NUBPL: variants seen among roughly 807,000 people sequenced by gnomAD.
The protein encoded by NUBPL is NUBP iron-sulfur cluster assembly factor, mitochondrial.
NUBPL carries 31 observed loss-of-function variants against 45.7 expected under a neutral mutation model. The ratio of observed to expected loss-of-function variants is 0.68; its 90% CI spans 0.51 to 0.92. The LOEUF is 0.92. Among genes scored for constraint, NUBPL ranks in the 40% least tolerant of loss-of-function variants. The pLI, the probability that NUBPL is intolerant of heterozygous loss-of-function variation, is 0.00. For synonymous variants in NUBPL, 144 were observed against 140.9 expected (o/e 1.02, Z -0.15); for missense variants, 401 against 398.7 (o/e 1.01, Z -0.05).
At chr14:31,792,341 T>C (rs1336096247) in intron 7 of NUBPL, among the ~76,000 whole-genome samples, 2 of 152,218 alleles carry the variant, frequency 1.3e-5, no homozygotes, top group Non-Finnish European at 2.9e-5. Flanking sequence ...GTAATTTTTT[T>C]GAGTCCTGAA....
chr14:31,658,004 C>T (rs1175964945), intron 4 of NUBPL, among the ~76,000 whole-genome samples: 1 of 152,018 alleles, frequency 6.6e-6, no homozygotes, highest in African/African-American at 2.4e-5. Context: ...CAGAAATCTA[C>T]CTAAAAGATA....
At chr14:31,614,099 A>G (rs2034835106) in intron 4 of NUBPL, among the ~76,000 whole-genome samples, 1 of 152,156 alleles carries the variant, frequency 6.6e-6, no homozygotes, top group Admixed American at 6.5e-5. Context: ...GGGGATATGT[A>G]ATGCTGGTCA....
intron 4 of NUBPL, among the ~76,000 whole-genome samples, chr14:31,663,560 G>A (rs2036326787): frequency 6.6e-6 from 1 of 152,086 alleles, no homozygotes; most frequent in Non-Finnish European, 1.5e-5. Flanking sequence ...GATGTGTGGT[G>A]TTATTTCTCA....
chr14:31,741,802 T>G (rs1440645663), intron 6 of NUBPL, among the ~76,000 whole-genome samples: 1 of 147,650 alleles, frequency 6.8e-6, no homozygotes, highest in African/African-American at 2.7e-5. Context: ...CCTGTCTACC[T>G]GTCTAATTTT....
At chr14:31,845,732 A>C (rs1451040622) in intron 8 of NUBPL, 1 of 152,448 alleles carries the variant, frequency 6.6e-6, no homozygotes. Flanking sequence ...AAGATAGTAC[A>C]TTTAAAGTAC....
At chr14:31,613,256 C>G (rs978559222) in intron 4 of NUBPL, among the ~76,000 whole-genome samples, 1 of 152,066 alleles carries the variant, frequency 6.6e-6, no homozygotes, top group African/African-American at 2.4e-5. Context: ...CAATTGAACT[C>G]ATGGACAGAG....
chr14:31,846,657 G>T, intron 9 of NUBPL, 66 bp downstream of exon 9: 1 of 1,596,944 alleles, frequency 6.3e-7, no homozygotes, highest in Non-Finnish European at 8.5e-7. Context: ...GAGGCTTGAT[G>T]ATTAAGAGTG....
At chr14:31,687,140 A>G (rs1479774069) in intron 6 of NUBPL, among the ~76,000 whole-genome samples, 2 of 152,172 alleles carry the variant, frequency 1.3e-5, no homozygotes, top group Admixed American at 1.3e-4. Flanking sequence ...TGTATCTCAT[A>G]TTCAGGCATA....
At chr14:31,784,640 C>T (rs2039252443) in intron 6 of NUBPL, among the ~76,000 whole-genome samples, 1 of 152,012 alleles carries the variant, frequency 6.6e-6, no homozygotes. Flanking sequence ...TTTTATTTCA[C>T]AGTTTCATAG....
chr14:31,701,935 A>G (rs912419769), intron 6 of NUBPL, among the ~76,000 whole-genome samples: 3 of 152,174 alleles, frequency 2.0e-5, no homozygotes, highest in Non-Finnish European at 2.9e-5. Context: ...CCTTTGCAAT[A>G]TGTGAATAGT....
rs145330040 is a variant in NUBPL, at chr14:31,762,539, A to G, written c.514-25241A>G. Among the ~76,000 whole-genome samples the G allele has an allele frequency of 3.6e-3, 551 of 152,320 alleles. 1 individual carries two copies. Among genetic ancestry groups the G allele is most frequent in the African/African-American group, 0.013 (531 of 41,562 alleles). On this transcript the variant is annotated intron_variant, in intron 6 of 10. Coordinates refer to ENST00000281081, the MANE Select transcript of NUBPL (RefSeq NM_025152.3). Reference sequence around the variant, plus strand: ...TGTTAGTATTGATCTTGGATGCTTCATATTTATGTGAATGACTATGTTAGA... The same window carrying G: ...TGTTAGTATTGATCTTGGATGCTTCGTATTTATGTGAATGACTATGTTAGA...
chr14:31,850,277 T>G lies in NUBPL; in HGVS notation c.897+76T>G, dbSNP rs1478669252. The G allele has an allele frequency of 2.6e-6, 3 of 1,166,236 alleles. No individual in the cohort carries two copies. In the Admixed American group the frequency reaches 5.3e-5, roughly 21 times the overall value. The allele number at this position is 1,166,236 out of a possible 1,614,324, so 72.2% of individuals were successfully genotyped here. On this transcript the variant is annotated intron_variant, in intron 10 of 10. Coordinates refer to ENST00000281081, the MANE Select transcript of NUBPL (RefSeq NM_025152.3). ...AAATACAGAAAGAAAGTTGGGAAGATTAAGCGTTTATATTTGCAGTGCATA... is the reference window on the plus strand; with the variant it reads ...AAATACAGAAAGAAAGTTGGGAAGAGTAAGCGTTTATATTTGCAGTGCATA...
chr14:31,659,374 C>T (rs2036215885), intron 4 of NUBPL, among the ~76,000 whole-genome samples: 1 of 152,156 alleles, frequency 6.6e-6, no homozygotes, highest in African/African-American at 2.4e-5. Flanking sequence ...AAAAGATTCT[C>T]AGACTCTACC....
intron 6 of NUBPL, among the ~76,000 whole-genome samples, chr14:31,758,834 A>G (rs185620601): frequency 1.3e-5 from 2 of 152,324 alleles, no homozygotes; most frequent in African/African-American, 2.4e-5. Flanking sequence ...CTAATGAAGT[A>G]ATTTTGCATT....
At chr14:31,576,959 G>A (rs989007187) in intron 3 of NUBPL, among the ~76,000 whole-genome samples, 2 of 152,164 alleles carry the variant, frequency 1.3e-5, no homozygotes, top group African/African-American at 4.8e-5. Flanking sequence ...GGACTTACTT[G>A]GTGGCTGAGA....
intron 10 of NUBPL, among the ~76,000 whole-genome samples, chr14:31,855,263 A>G (rs1166521797): frequency 6.6e-6 from 1 of 152,246 alleles, no homozygotes; most frequent in Non-Finnish European, 1.5e-5. Flanking sequence ...TTGATTTGAG[A>G]GAAACCTTTC....
intron 6 of NUBPL, among the ~76,000 whole-genome samples, chr14:31,741,187 A>G (rs907282926): frequency 6.6e-6 from 1 of 152,146 alleles, no homozygotes; most frequent in Non-Finnish European, 1.5e-5. Flanking sequence ...CTAGCCAGGC[A>G]TGATGTATGG....
At chr14:31,682,860 T>C (rs2036863731) in intron 6 of NUBPL, among the ~76,000 whole-genome samples, 1 of 152,150 alleles carries the variant, frequency 6.6e-6, no homozygotes, top group Non-Finnish European at 1.5e-5. Context: ...ATTTGGCTCA[T>C]GGTTCTACAG....
In NUBPL at chr14:31,820,650, C is replaced by A. The variant is rs1358904806; in HGVS notation, c.608-5979C>A. 4.0e-5 allele frequency among the ~76,000 whole-genome samples: 6 copies of A among 151,810 alleles called. No individual in the cohort carries two copies. The East Asian group carries it at 1.2e-3, about 29-fold the overall frequency. On this transcript the variant is annotated intron_variant, in intron 7 of 10. Coordinates refer to ENST00000281081, the MANE Select transcript of NUBPL (RefSeq NM_025152.3). ...GCCAGCCCGACAAATAAGGTGAAACCCCATCTCTGCCAAAAATACAAAAAT... is the reference window on the plus strand; with the variant it reads ...GCCAGCCCGACAAATAAGGTGAAACACCATCTCTGCCAAAAATACAAAAAT...
Sources: gnomAD v4.1 joint callset for allele counts (sites outside exome capture counted in the v4.1 genomes callset) on GRCh38, gnomAD v4.1.1 for gene constraint, MANE v1.5 for transcripts, NCBI Gene and HGNC (gene_info 2026-07-23, HGNC 2026-07-21) for gene names.